The following PPP2R2A variants were observed in gnomAD, a reference collection of about 807,000 sequenced individuals.
The protein encoded by PPP2R2A is serine/threonine-protein phosphatase 2A 55 kDa regulatory subunit B alpha isoform.
A neutral mutation model predicts 53.2 loss-of-function variants in PPP2R2A; 9 were observed. The observed-to-expected ratio is 0.17, with a 90% CI of 0.10 to 0.30. The LOEUF (loss-of-function observed/expected upper bound fraction) is 0.30. Among genes scored for constraint, PPP2R2A ranks in the 10% least tolerant of loss-of-function variants. The pLI is 1.00. For synonymous variants in PPP2R2A, 169 were observed against 174.2 expected (o/e 0.97, Z 0.23); for missense variants, 235 against 534.6 (o/e 0.44, Z 5.53).
rs924129562 is a variant in PPP2R2A at position 26,354,154 on chromosome 8, T to C, written c.181-314T>C. Among the ~76,000 whole-genome samples, 7 of 152,272 alleles carry C rather than the reference T, an allele frequency of 4.6e-5. 1 individual carries two copies. Among genetic ancestry groups the C allele is most frequent in the South Asian group, 2.1e-4 (1 of 4,824 alleles). ...CTTATTATGGGTGCTCAGTTTTTTT[T>C]CATCAGTTTTTTTCATAGACTATAC... On this transcript the variant is annotated intron_variant, in intron 3 of 9. Transcript: ENST00000380737. The surrounding 1 kb of genome is among the most constrained non-coding windows in gnomAD (Gnocchi z 4.6).
chr8:26,305,101 G>A (rs1042680655), intron 2 of PPP2R2A, among the ~76,000 whole-genome samples: 3 of 152,082 alleles, frequency 2.0e-5, no homozygotes, highest in Non-Finnish European at 4.4e-5. Flanking sequence ...GCTCTTGGCA[G>A]CTACCATTCT....
chr8:26,318,388 A>G (rs1802669019), intron 2 of PPP2R2A, among the ~76,000 whole-genome samples: 1 of 152,166 alleles, frequency 6.6e-6, no homozygotes. Flanking sequence ...TTATATTGAA[A>G]ATGGTGGTCT....
At chr8:26,297,548 T>C (rs370761076) in intron 2 of PPP2R2A, among the ~76,000 whole-genome samples, 16 of 152,238 alleles carry the variant, frequency 1.1e-4, no homozygotes, top group East Asian at 9.6e-4. Flanking sequence ...AAACTGTCTG[T>C]CATGAGACAG....
At chr8:26,344,910 G>A (rs903798473) in intron 3 of PPP2R2A, among the ~76,000 whole-genome samples, 2 of 152,208 alleles carry the variant, frequency 1.3e-5, no homozygotes, top group African/African-American at 4.8e-5. Context: ...TGGAATATGC[G>A]CATGTGTACA....
chr8:26,363,437 A>G (rs1805218766), intron 7 of PPP2R2A: 1 of 253,780 alleles, frequency 3.9e-6, no homozygotes, highest in Non-Finnish European at 7.5e-6. Context: ...AATAATACCA[A>G]TAAACCTGGT....
intron 2 of PPP2R2A, among the ~76,000 whole-genome samples, chr8:26,322,320 A>AT (rs1265961413): frequency 1.3e-5 from 2 of 152,114 alleles, no homozygotes; most frequent in African/African-American, 4.8e-5. Flanking sequence ...GTTTTCGTTG[A>AT]TTTTCTCAGT....
Position 26,363,884 on chromosome 8 carries a change from A to G in PPP2R2A, c.966A>G (p.Thr322=). Residue 322 remains threonine (T), a synonymous_variant, in exon 8 of 10, where the codon ACA becomes ACG. Coordinates refer to ENST00000380737, the MANE Select transcript of PPP2R2A (RefSeq NM_002717.4). Reference sequence around the variant, plus strand: ...ATATGGAAAACAGGCCTGTGGAAACATACCAGGTATTTGAGTTTTTTCTTT... The same window carrying G: ...ATATGGAAAACAGGCCTGTGGAAACGTACCAGGTATTTGAGTTTTTTCTTT... ...DLNMENRPVE[T]YQVHEYLRSK... 1 of 1,583,478 alleles carries G rather than the reference A, an allele frequency of 6.3e-7. No individual in the cohort carries two copies. The highest frequency in any genetic ancestry group is 1.3e-5 in the African/African-American group (1 of 74,162).
chr8:26,370,360 A>G lies in PPP2R2A; in HGVS notation c.1291A>G (p.Ile431Val), dbSNP rs144437201. The stretch of plus-strand genomic sequence containing the variant: ...AGCCTGGCACCCCAAGGAAAATATC[A>G]TTGCCGTAGCTACTACAAACAATCT... ...HTAWHPKENI[I>V]AVATTNNLYI... is the part of the protein sequence containing the mutation. Residue 431 changes from isoleucine (I) to valine (V), a missense_variant, in exon 10 of 10, where the codon ATT (isoleucine) becomes GTT (valine). Transcript: ENST00000380737. The surrounding 1 kb of genome is among the most constrained non-coding windows in gnomAD (Gnocchi z 6.1). The G allele has an allele frequency of 4.3e-6, 7 of 1,614,036 alleles. No homozygotes were observed. In the African/African-American group the frequency reaches 8.0e-5, roughly 18 times the overall value.
intron 2 of PPP2R2A, among the ~76,000 whole-genome samples, chr8:26,318,686 T>C (rs1477611564): frequency 1.3e-5 from 2 of 152,340 alleles, no homozygotes; most frequent in African/African-American, 2.4e-5. Flanking sequence ...TATATTTATG[T>C]CTTTTGGCTC....
chr8:26,345,060 C>A (rs1261480897), intron 3 of PPP2R2A, among the ~76,000 whole-genome samples: 1 of 152,100 alleles, frequency 6.6e-6, no homozygotes, highest in Admixed American at 6.5e-5. Context: ...GACTGTGACC[C>A]ATCACATGAG....
Position 26,294,172 on chromosome 8 carries a change from A to T in PPP2R2A, c.82+432A>T, listed in dbSNP as rs1801436483. Among the ~76,000 whole-genome samples, 4 of 152,306 alleles carry T rather than the reference A, an allele frequency of 2.6e-5. No individual in the cohort carries two copies. The South Asian group carries it at 8.3e-4, about 32-fold the overall frequency. ...CGGCATCTTTGATTTTTATGGGAAG[A>T]TTTTTTAACTACTTTTGAATTTGTC... On this transcript the variant is annotated intron_variant, in intron 2 of 9. Coordinates refer to ENST00000380737, the MANE Select transcript of PPP2R2A (RefSeq NM_002717.4).
chr8:26,295,824 A>G (rs1801518045), intron 2 of PPP2R2A, among the ~76,000 whole-genome samples: 1 of 152,212 alleles, frequency 6.6e-6, no homozygotes, highest in Admixed American at 6.5e-5. Flanking sequence ...ATTTCTGCAT[A>G]CTAGAGTTTG....
chr8:26,360,840 TTTAAAACTAAATCTATGTAATA>T lies in PPP2R2A; in HGVS notation c.460-131_460-110del. The T allele has an allele frequency of 3.6e-6, 3 of 837,908 alleles. No individual in the cohort carries two copies. In the South Asian group the frequency reaches 6.4e-5, roughly 18 times the overall value. 51.9% of individuals were successfully genotyped at this position (837,908 alleles called of 1,614,324 possible). On this transcript the variant is annotated intron_variant, in intron 5 of 9. Transcript: ENST00000380737. This position sits in a 1 kb window ranked among gnomAD's most constrained non-coding sequence, Gnocchi z 4.5. ...TCGAAAGGATCAACATCAGTTGCTTTTTAAAACTAAATCTATGTAATATTGTTCTATTTTATGTTCTCAAAAA... is the reference window on the plus strand; with the variant it reads ...TCGAAAGGATCAACATCAGTTGCTTTTTGTTCTATTTTATGTTCTCAAAAA...
chr8:26,312,191 C>T (rs1188779466), intron 2 of PPP2R2A, among the ~76,000 whole-genome samples: 1 of 152,136 alleles, frequency 6.6e-6, no homozygotes, highest in Non-Finnish European at 1.5e-5. Context: ...TGTTATTATA[C>T]CAGTGAACAT....
chr8:26,344,586 T>C (rs1804114873), intron 3 of PPP2R2A, among the ~76,000 whole-genome samples: 2 of 152,346 alleles, frequency 1.3e-5, no homozygotes, highest in Admixed American at 1.3e-4. Context: ...GCCTTGGTTC[T>C]AGTCCTGGTA....
At chr8:26,327,336 A>G (rs1469325327) in intron 2 of PPP2R2A, among the ~76,000 whole-genome samples, 1 of 152,210 alleles carries the variant, frequency 6.6e-6, no homozygotes, top group African/African-American at 2.4e-5. Context: ...TTACAGGAAT[A>G]AATAAGTTAA....
chr8:26,314,625 G>A (rs900237355), intron 2 of PPP2R2A, among the ~76,000 whole-genome samples: 3 of 152,102 alleles, frequency 2.0e-5, no homozygotes, highest in Non-Finnish European at 4.4e-5. Flanking sequence ...AACATTTTCC[G>A]TTAGAATTTG....
intron 2 of PPP2R2A, among the ~76,000 whole-genome samples, chr8:26,312,396 T>G (rs1281467920): frequency 6.6e-6 from 1 of 152,218 alleles, no homozygotes; most frequent in African/African-American, 2.4e-5. Flanking sequence ...CAGCTCCCAG[T>G]GATGCTGGTG....
intron 2 of PPP2R2A, among the ~76,000 whole-genome samples, chr8:26,303,208 GGAA>G (rs958309772): frequency 6.6e-6 from 1 of 152,104 alleles, no homozygotes; most frequent in African/African-American, 2.4e-5. Flanking sequence ...TCTTGGTGAA[GGAA>G]GAATACCTTC....
Sources: gnomAD v4.1 joint callset for allele counts (sites outside exome capture counted in the v4.1 genomes callset) on GRCh38, gnomAD v4.1.1 for gene constraint, Gnocchi (gnomAD v3.1) non-coding constraint, MANE v1.5 for transcripts, NCBI Gene and HGNC (gene_info 2026-07-23, HGNC 2026-07-21) for gene names.